Variants in STIMATE observed in about 807,000 individuals in gnomAD.
STIMATE encodes store-operated calcium entry regulator STIMATE.
A neutral mutation model predicts 36.7 loss-of-function variants in STIMATE; 15 were observed. That is an observed-to-expected ratio of 0.41 (90% CI 0.27 to 0.63). The LOEUF is 0.63. Among genes scored for constraint, STIMATE ranks in the 20% least tolerant of loss-of-function variants. The pLI, the probability that STIMATE is intolerant of heterozygous loss-of-function variation, is 0.32. For missense variants in STIMATE, 305 were observed against 397.3 expected, an observed-to-expected ratio of 0.77 and a Z score of 1.98; for synonymous variants, 163 against 162.3, an observed-to-expected ratio of 1.00 and a Z score of -0.03.
In STIMATE at chr3:52,840,471, G is replaced by A. The variant is rs748797213; in HGVS notation, c.*23C>T. On this transcript the variant is annotated 3_prime_UTR_variant, in exon 8 of 8. Transcript: ENST00000355083. ...CACCAGCGGCTGGCGGGGCCCTCCC[G>A]TCACCCCCAGCATGGGAATGTGTCA... is the stretch of plus-strand genomic sequence containing the variant. 11 of 1,611,668 alleles carry A rather than the reference G, an allele frequency of 6.8e-6. No homozygotes were observed. The highest frequency in any genetic ancestry group is 3.3e-5 in the Admixed American group (2 of 59,886).
intron 1 of STIMATE, among the ~76,000 whole-genome samples, chr3:52,878,056 T>C (rs1701532468): frequency 6.8e-6 from 1 of 146,382 alleles, no homozygotes; most frequent in Admixed American, 6.9e-5. Flanking sequence ...ATCGCGCCAC[T>C]GCACTCCAGC....
intron 1 of STIMATE, among the ~76,000 whole-genome samples, chr3:52,863,420 A>C (rs539040952): frequency 6.6e-6 from 1 of 152,264 alleles, no homozygotes; most frequent in Admixed American, 6.5e-5. Flanking sequence ...GTATGGGGGA[A>C]ACCACCCCCA....
intron 1 of STIMATE, among the ~76,000 whole-genome samples, chr3:52,866,055 C>T (rs544127259): frequency 2.0e-5 from 3 of 152,310 alleles, no homozygotes; most frequent in Non-Finnish European, 2.9e-5. Context: ...GAGCTGCTGC[C>T]GCGAATGTCC....
intron 1 of STIMATE, among the ~76,000 whole-genome samples, chr3:52,882,700 G>A (rs1264336255): frequency 6.6e-6 from 1 of 152,168 alleles, no homozygotes; most frequent in Non-Finnish European, 1.5e-5. Context: ...ACCAAAAAAG[G>A]TATTTGAAGC....
At chr3:52,853,863 G>C (rs1476335038) in intron 2 of STIMATE, among the ~76,000 whole-genome samples, 1 of 152,198 alleles carries the variant, frequency 6.6e-6, no homozygotes, top group Non-Finnish European at 1.5e-5. Context: ...AGGAAATGTA[G>C]AAGCCCAAGG....
At chr3:52,859,675 CA>C (rs1458111233) in intron 1 of STIMATE, among the ~76,000 whole-genome samples, 57 of 127,910 alleles carry the variant, frequency 4.5e-4, no homozygotes, top group Non-Finnish European at 3.9e-4. Flanking sequence ...AACCCTGATT[CA>C]AAAAAAAAAG....
chr3:52,843,717 T>C lies in STIMATE; in HGVS notation c.618+4A>G. 6.2e-7 allele frequency: 1 copy of C among 1,614,020 alleles called. No homozygotes were observed. The highest frequency in any genetic ancestry group is 8.5e-7 in the Non-Finnish European group (1 of 1,179,978). On this transcript the variant is annotated splice_donor_region_variant and intron_variant, in intron 6 of 7. Transcript: ENST00000355083. ...TCGGGATAAAAATGCAACATGGCAC[T>C]GACGTTGACAAAGAAGGGGACGATC...
intron 3 of STIMATE, among the ~76,000 whole-genome samples, chr3:52,850,334 AGGCAG>A (rs1700975650): frequency 6.6e-6 from 1 of 152,160 alleles, no homozygotes. Context: ...CGGGGGGCTG[AGGCAG>A]GGGAATCACT....
intron 1 of STIMATE, among the ~76,000 whole-genome samples, chr3:52,856,343 A>G (rs1701095246): frequency 6.6e-6 from 1 of 152,208 alleles, no homozygotes; most frequent in African/African-American, 2.4e-5. Flanking sequence ...GCCAGGGAAG[A>G]GTTCTAAGCA....
chr3:52,875,450 C>A (rs1451901362), intron 1 of STIMATE, among the ~76,000 whole-genome samples: 1 of 152,200 alleles, frequency 6.6e-6, no homozygotes, highest in Non-Finnish European at 1.5e-5. Context: ...AGAGGAGACA[C>A]CTGCTGGCCC....
intron 1 of STIMATE, among the ~76,000 whole-genome samples, chr3:52,859,099 T>C (rs1575333386): frequency 6.7e-6 from 1 of 150,034 alleles, no homozygotes; most frequent in Admixed American, 6.7e-5. Flanking sequence ...GAGGTGGAGG[T>C]TGCAGTGAGC....
At chr3:52,858,656 T>C (rs1224483025) in intron 1 of STIMATE, among the ~76,000 whole-genome samples, 2 of 151,998 alleles carry the variant, frequency 1.3e-5, no homozygotes, top group East Asian at 1.9e-4. Flanking sequence ...CTTGGCAATA[T>C]CTATCAAAAT....
chr3:52,840,990 G>A (rs1700788362), intron 7 of STIMATE, among the ~76,000 whole-genome samples: 1 of 152,206 alleles, frequency 6.6e-6, no homozygotes, highest in Admixed American at 6.5e-5. Flanking sequence ...ACAGGCGTGA[G>A]CCACCATGCC....
In STIMATE at chr3:52,859,502, C is replaced by CAAAAA. The variant is rs34298807; in HGVS notation, c.161-4063_161-4059dup. On this transcript the variant is annotated intron_variant, in intron 1 of 7. Transcript: ENST00000355083. ...AGCAACAAAGCAAGACCCATTTCTC[C>CAAAAA]AAAAAAAAAAAAAAAAAAAAAAAAA... Among the ~76,000 whole-genome samples the CAAAAA allele has an allele frequency of 4.3e-3, 68 of 15,634 alleles. 2 individuals are homozygous for CAAAAA. Among genetic ancestry groups the CAAAAA allele is most frequent in the Admixed American group, 0.012 (6 of 500 alleles). 10.3% of individuals were successfully genotyped at this position (15,634 alleles called of 152,430 possible). A position where few individuals can be genotyped will look rare whatever the true frequency, so the allele number is the denominator to read the frequency against.
At chr3:52,858,377 T>G (rs553768998) in intron 1 of STIMATE, among the ~76,000 whole-genome samples, 1 of 152,318 alleles carries the variant, frequency 6.6e-6, no homozygotes, top group Non-Finnish European at 1.5e-5. Context: ...GGCTCACACC[T>G]GTAATCCAAA....
At chr3:52,856,256 T>C (rs1701093862) in intron 1 of STIMATE, among the ~76,000 whole-genome samples, 1 of 152,014 alleles carries the variant, frequency 6.6e-6, no homozygotes, top group Non-Finnish European at 1.5e-5. Flanking sequence ...GGGTGACAAA[T>C]TGAGCAGGGG....
At chr3:52,856,671 G>A (rs1213224122) in intron 1 of STIMATE, among the ~76,000 whole-genome samples, 2 of 151,988 alleles carry the variant, frequency 1.3e-5, no homozygotes. Flanking sequence ...GCAACAGAGC[G>A]AGACTCTACC....
intron 1 of STIMATE, among the ~76,000 whole-genome samples, chr3:52,872,664 C>T (rs1187579990): frequency 2.0e-5 from 3 of 152,210 alleles, no homozygotes; most frequent in Non-Finnish European, 1.5e-5. Context: ...CTCGCTCTGT[C>T]GCCCAGGCTG....
At chr3:52,870,152 T>C (rs1377710310) in intron 1 of STIMATE, among the ~76,000 whole-genome samples, 1 of 152,146 alleles carries the variant, frequency 6.6e-6, no homozygotes, top group Admixed American at 6.5e-5. Flanking sequence ...GAGACGGGGT[T>C]TCACCATGTT....
Sources: allele counts gnomAD v4.1 joint callset (sites outside exome capture counted in the v4.1 genomes callset), GRCh38; gene constraint gnomAD v4.1.1; transcripts MANE v1.5; gene names NCBI Gene and HGNC (gene_info 2026-07-23, HGNC 2026-07-21).